Variants in PXYLP1 observed in about 807,000 individuals in gnomAD.
The protein encoded by PXYLP1 is acid phosphatase-like 2.
PXYLP1 carries 17 observed loss-of-function variants against 37.9 expected under a neutral mutation model. The ratio of observed to expected loss-of-function variants is 0.45; its 90% CI spans 0.31 to 0.67. PXYLP1 has a LOEUF of 0.67. Ranked by LOEUF, PXYLP1 falls within the 30% of genes least tolerant of loss-of-function variation. The pLI is 0.07. For synonymous variants in PXYLP1, 221 were observed against 232.2 expected (o/e 0.95, Z 0.44); for missense variants, 511 against 612.0 (o/e 0.84, Z 1.74).
At chr3:141,246,252 C>T (rs550874444) in intron 1 of PXYLP1, among the ~76,000 whole-genome samples, 62 of 152,274 alleles carry the variant, frequency 4.1e-4, no homozygotes, top group African/African-American at 1.4e-3. Flanking sequence ...TTCTGACAGG[C>T]GGTCAGTCAG....
chr3:141,275,056 T>C (rs1396239856), intron 2 of PXYLP1, among the ~76,000 whole-genome samples: 2 of 152,190 alleles, frequency 1.3e-5, no homozygotes, highest in East Asian at 3.8e-4. Flanking sequence ...CTGTTTTGAA[T>C]GCCTGGTATT....
rs369686245 is a variant in PXYLP1, at chr3:141,256,566, C to T, written c.-53-3557C>T. Among the ~76,000 whole-genome samples the T allele has an allele frequency of 1.4e-4, 22 of 152,272 alleles. No individual in the cohort carries two copies. The East Asian group carries it at 1.5e-3, about 11-fold the overall frequency. On this transcript the variant is annotated intron_variant, in intron 1 of 5. Coordinates refer to ENST00000286353, the MANE Select transcript of PXYLP1 (RefSeq NM_001037172.3). ...TGCGCGTGTGCGCACACACACACAC[C>T]CCTACTCCTTGGGGTCCTAGCTTCA...
intron 1 of PXYLP1, among the ~76,000 whole-genome samples, chr3:141,233,642 G>A (rs1461786740): frequency 1.3e-5 from 2 of 152,082 alleles, no homozygotes; most frequent in African/African-American, 4.8e-5. Flanking sequence ...TCTCTGTTAG[G>A]GATTGGCTCC....
Position 141,278,441 on chromosome 3 carries a change from C to T in PXYLP1, c.179C>T (p.Pro60Leu), listed in dbSNP as rs759460254. 7 of 1,614,088 alleles carry T rather than the reference C, an allele frequency of 4.3e-6. No homozygotes were observed. In the East Asian group the frequency reaches 1.6e-4, roughly 36 times the overall value. ...GTGACGGAGCCCCCTGTGACAGACC[C>T]CGTTTATGAAGCTCTTTTGTACTGC... Reference protein sequence around the residue: ...DPVTEPPVTDPVYEALLYCNI... With the variant: ...DPVTEPPVTDLVYEALLYCNI... Residue 60 changes from proline (P) to leucine (L), a missense_variant, in exon 3 of 6, where the codon CCC becomes CTC. By Grantham distance (98) the Pro-to-Leu change is moderately conservative. Coordinates refer to ENST00000286353, the MANE Select transcript of PXYLP1 (RefSeq NM_001037172.3).
At chr3:141,285,706 G>T (rs1417486327) in intron 4 of PXYLP1, among the ~76,000 whole-genome samples, 1 of 152,142 alleles carries the variant, frequency 6.6e-6, no homozygotes, top group Non-Finnish European at 1.5e-5. Flanking sequence ...TAATGGCCTG[G>T]TGCAGAACAT....
intron 1 of PXYLP1, among the ~76,000 whole-genome samples, chr3:141,237,381 G>C (rs1054236536): frequency 2.0e-5 from 3 of 152,172 alleles, no homozygotes; most frequent in Non-Finnish European, 4.4e-5. Context: ...TACCTGAGTT[G>C]GTTGTGTATT....
In PXYLP1 at chr3:141,272,445, A is replaced by T. The variant is rs891107661; in HGVS notation, c.80-5897A>T. On this transcript the variant is annotated intron_variant, in intron 2 of 5. Coordinates refer to ENST00000286353, the MANE Select transcript of PXYLP1 (RefSeq NM_001037172.3). ...TGAGCAAATCATCATTAGATGAAAC[A>T]TGTCTCTCTAAACAAGTTTCTAGTG... Among the ~76,000 whole-genome samples the T allele has an allele frequency of 6.2e-5, 9 of 144,706 alleles. 1 individual carries two copies. The South Asian group carries it at 1.5e-3, about 24-fold the overall frequency. 94.9% of individuals were successfully genotyped at this position (144,706 alleles called of 152,430 possible). A position where few individuals can be genotyped will look rare whatever the true frequency, so the allele number is the denominator to read the frequency against.
In PXYLP1 at chr3:141,293,357, A is replaced by G. The variant is rs1942277839; in HGVS notation, c.*152A>G. On this transcript the variant is annotated 3_prime_UTR_variant, in exon 6 of 6. Transcript: ENST00000286353. ...GAACCACAGATGGTTGGGGTTGAAC[A>G]GTAAGCACATTGCTGCAATGTGGTA... is the stretch of plus-strand genomic sequence containing the variant. 11 of 789,886 alleles carry G rather than the reference A, an allele frequency of 1.4e-5. No individual in the cohort carries two copies. In the South Asian group the frequency reaches 2.1e-4, roughly 15 times the overall value. The allele number at this position is 789,886 out of a possible 1,614,324, so 48.9% of individuals were successfully genotyped here. A position where few individuals can be genotyped will look rare whatever the true frequency, so the allele number is the denominator to read the frequency against.
At chr3:141,283,897 A>G (rs917789075) in intron 4 of PXYLP1, among the ~76,000 whole-genome samples, 1 of 152,040 alleles carries the variant, frequency 6.6e-6, no homozygotes, top group African/African-American at 2.4e-5. Context: ...ATAGATGTGA[A>G]TAATGCATAT....
chr3:141,286,677 C>T (rs1942082253), intron 4 of PXYLP1, among the ~76,000 whole-genome samples: 1 of 151,108 alleles, frequency 6.6e-6, no homozygotes, highest in South Asian at 2.1e-4. Context: ...CTGTGTGTGG[C>T]CCCTTCCAGA....
In PXYLP1 at chr3:141,258,181, C is replaced by T. The variant is rs1941307043; in HGVS notation, c.-53-1942C>T. ...TGACACAAAAGACACCATGTGGCATCAGAAACCGGGGGTGGATGATTCCCC... is the reference window on the plus strand; with the variant it reads ...TGACACAAAAGACACCATGTGGCATTAGAAACCGGGGGTGGATGATTCCCC... On this transcript the variant is annotated intron_variant, in intron 1 of 5. Coordinates refer to ENST00000286353, the MANE Select transcript of PXYLP1 (RefSeq NM_001037172.3). Among the ~76,000 whole-genome samples, 4 of 152,172 alleles carry T rather than the reference C, an allele frequency of 2.6e-5. No homozygotes were observed. The South Asian group carries it at 6.2e-4, about 24-fold the overall frequency.
At chr3:141,245,790 A>G (rs1408174285) in intron 1 of PXYLP1, among the ~76,000 whole-genome samples, 3 of 152,180 alleles carry the variant, frequency 2.0e-5, no homozygotes, top group African/African-American at 7.2e-5. Flanking sequence ...AAATATCACC[A>G]TGAGCTCTTG....
intron 4 of PXYLP1, among the ~76,000 whole-genome samples, chr3:141,282,179 C>A (rs1248815868): frequency 3.3e-5 from 5 of 152,122 alleles, no homozygotes; most frequent in South Asian, 4.1e-4. Context: ...TCTCCTCGTG[C>A]TCACTCACTG....
intron 1 of PXYLP1, among the ~76,000 whole-genome samples, chr3:141,242,388 A>G (rs1472313970): frequency 6.6e-6 from 1 of 152,184 alleles, no homozygotes; most frequent in African/African-American, 2.4e-5. Flanking sequence ...CCTGGCCCGA[A>G]AAAGGAACTT....
At chr3:141,256,613 A>T (rs1432170702) in intron 1 of PXYLP1, among the ~76,000 whole-genome samples, 1 of 152,206 alleles carries the variant, frequency 6.6e-6, no homozygotes, top group East Asian at 1.9e-4. Flanking sequence ...CTTCAAATCC[A>T]TGTGAATTTT....
intron 1 of PXYLP1, among the ~76,000 whole-genome samples, chr3:141,238,986 T>G (rs1576572935): frequency 6.6e-6 from 1 of 151,846 alleles, no homozygotes; most frequent in South Asian, 2.1e-4. Flanking sequence ...AACCTACGTG[T>G]AAGTCGACCT....
intron 1 of PXYLP1, among the ~76,000 whole-genome samples, chr3:141,248,696 CACACACGTGTATATATACACACGTATAT>C (rs201382744): frequency 0.013 from 244 of 18,560 alleles, 46 homozygotes; most frequent in South Asian, 0.043. Flanking sequence ...CACGTATATA[CACACACGTGTATATATACACACGTATAT>C]ACACACACGT....
At chr3:141,261,284 G>T (rs930176827) in intron 2 of PXYLP1, among the ~76,000 whole-genome samples, 4 of 152,166 alleles carry the variant, frequency 2.6e-5, no homozygotes, top group Non-Finnish European at 5.9e-5. Flanking sequence ...TTCCTGGATA[G>T]CTAGGACTGG....
chr3:141,290,972 T>G (rs1297910676), intron 5 of PXYLP1, among the ~76,000 whole-genome samples: 1 of 152,166 alleles, frequency 6.6e-6, no homozygotes, highest in Non-Finnish European at 1.5e-5. Flanking sequence ...ACGGTTTGCA[T>G]GTTTTTTTGC....
Sources: gnomAD v4.1 joint callset for allele counts (sites outside exome capture counted in the v4.1 genomes callset) on GRCh38, gnomAD v4.1.1 for gene constraint, MANE v1.5 for transcripts, NCBI Gene and HGNC (gene_info 2026-07-23, HGNC 2026-07-21) for gene names.